RAPGEF2: variants seen among roughly 807,000 people sequenced by gnomAD.
RAPGEF2 encodes the protein Rap guanine nucleotide exchange factor 2, also known as PDZ domain containing guanine nucleotide exchange factor (GEF) 1.
Under a neutral mutation model 186.7 loss-of-function variants are expected in RAPGEF2, and 54 were observed. The ratio of observed to expected loss-of-function variants is 0.29; its 90% confidence interval spans 0.23 to 0.36. The LOEUF (loss-of-function observed/expected upper bound fraction) is 0.36, where lower values mean the gene tolerates loss of function less well. RAPGEF2 is among the 10% of genes least tolerant of loss of function. The pLI is 1.00. For missense variants in RAPGEF2, 1,532 were observed against 2,045.0 expected (o/e 0.75, Z 4.84); for synonymous variants, 712 against 705.9 (o/e 1.01, Z -0.14).
intron 11 of RAPGEF2, among the ~76,000 whole-genome samples, chr4:159,324,415 A>C (rs1435829302): frequency 6.6e-6 from 1 of 152,204 alleles, no homozygotes; most frequent in Non-Finnish European, 1.5e-5. Context: ...CTTGAACTGC[A>C]CGTAACTATG....
intron 9 of RAPGEF2, among the ~76,000 whole-genome samples, chr4:159,320,422 C>A (rs147414824): frequency 2.6e-5 from 4 of 152,108 alleles, no homozygotes; most frequent in Admixed American, 1.3e-4. Flanking sequence ...TGAAACAGAA[C>A]GTATTCTTTC....
chr4:159,175,514 T>G (rs1746368092), intron 1 of RAPGEF2, among the ~76,000 whole-genome samples: 1 of 152,128 alleles, frequency 6.6e-6, no homozygotes, highest in South Asian at 2.1e-4. Flanking sequence ...ATGATAGAAG[T>G]TAAACAGTTT....
intron 1 of RAPGEF2, among the ~76,000 whole-genome samples, chr4:159,175,696 C>T (rs115781447): frequency 0.014 from 2,070 of 152,234 alleles, 21 homozygotes; most frequent in Non-Finnish European, 0.021. Context: ...CTAGGAAGGA[C>T]GGTTGGTCCA....
At chr4:159,329,011 T>A (rs1003719876) in intron 11 of RAPGEF2, 5 of 152,164 alleles carry the variant, frequency 3.3e-5, no homozygotes, top group Admixed American at 1.3e-4. Flanking sequence ...TTTAACCACC[T>A]CCTTTTTCAT....
chr4:159,331,914 T>A lies in RAPGEF2; in HGVS notation c.1780-12T>A, dbSNP rs1407375960. 3.1e-6 allele frequency: 5 copies of A among 1,591,368 alleles called. No homozygotes were observed. Among genetic ancestry groups the A allele is most frequent in the Non-Finnish European group, 4.3e-6 (5 of 1,171,606 alleles). Reference sequence around the variant, plus strand: ...CAGTCAATTTTGATACATTTTATAATTTCATTTTTAGATATTAGAAGTAAA... The same window carrying A: ...CAGTCAATTTTGATACATTTTATAAATTCATTTTTAGATATTAGAAGTAAA... On this transcript the variant is annotated splice_polypyrimidine_tract_variant and intron_variant, in intron 15 of 29. Transcript: ENST00000691494.
intron 1 of RAPGEF2, among the ~76,000 whole-genome samples, chr4:159,165,447 CTA>C (rs1356414947): frequency 2.0e-5 from 3 of 152,062 alleles, no homozygotes; most frequent in Non-Finnish European, 4.4e-5. Context: ...GTATGTATAT[CTA>C]TATATCTCTA....
chr4:159,246,990 A>G (rs1158057047), intron 7 of RAPGEF2, among the ~76,000 whole-genome samples: 7 of 152,162 alleles, frequency 4.6e-5, no homozygotes, highest in Non-Finnish European at 1.0e-4. Flanking sequence ...GAAATTATTC[A>G]AATACAGGGG....
At chr4:159,263,722 A>G (rs1757130571) in intron 7 of RAPGEF2, among the ~76,000 whole-genome samples, 6 of 152,202 alleles carry the variant, frequency 3.9e-5, no homozygotes, top group South Asian at 2.1e-4. Context: ...ATTGAGATCT[A>G]TGGTTAAACA....
chr4:159,348,250 G>A (rs111584073), intron 25 of RAPGEF2, among the ~76,000 whole-genome samples: 1,578 of 59,696 alleles, frequency 0.026, 22 homozygotes, highest in African/African-American at 0.074. Flanking sequence ...ATAGATGGAT[G>A]GATGGATGGA....
At chr4:159,139,309 A>C (rs1252074659) in intron 1 of RAPGEF2, among the ~76,000 whole-genome samples, 2 of 152,230 alleles carry the variant, frequency 1.3e-5, no homozygotes, top group African/African-American at 4.8e-5. Flanking sequence ...GGTATGCACG[A>C]GTCAAATGAC....
At chr4:159,356,727 C>A (rs1405934286) in intron 29 of RAPGEF2, among the ~76,000 whole-genome samples, 1 of 151,778 alleles carries the variant, frequency 6.6e-6, no homozygotes, top group East Asian at 1.9e-4. Context: ...GTAGTGAAAC[C>A]CTGTCTCTAC....
intron 1 of RAPGEF2, among the ~76,000 whole-genome samples, chr4:159,173,414 G>A (rs932264027): frequency 7.2e-5 from 11 of 152,094 alleles, no homozygotes; most frequent in African/African-American, 2.4e-4. Flanking sequence ...CTGGAATTAG[G>A]TTGGTATTAG....
chr4:159,131,933 T>C (rs1367145743), intron 1 of RAPGEF2, among the ~76,000 whole-genome samples: 1 of 152,180 alleles, frequency 6.6e-6, no homozygotes. Context: ...TACAGTCTCC[T>C]TACCAAGAGG....
chr4:159,184,624 T>C (rs1345452872), intron 1 of RAPGEF2, among the ~76,000 whole-genome samples: 2 of 152,230 alleles, frequency 1.3e-5, no homozygotes, highest in African/African-American at 4.8e-5. Flanking sequence ...TTAAGTTCTT[T>C]GTAGATTCTG....
chr4:159,310,859 A>C (rs1302595193), intron 8 of RAPGEF2, among the ~76,000 whole-genome samples: 1 of 152,138 alleles, frequency 6.6e-6, no homozygotes, highest in African/African-American at 2.4e-5. Context: ...CGTGAGTCTT[A>C]GTAGTGTTGT....
At chr4:159,309,747 G>C (rs1001369369) in intron 8 of RAPGEF2, among the ~76,000 whole-genome samples, 51 of 152,164 alleles carry the variant, frequency 3.4e-4, no homozygotes, top group African/African-American at 1.2e-3. Flanking sequence ...AGAGCGAGTG[G>C]CTTAGGCAAA....
rs796329447 is a variant in RAPGEF2 at position 159,204,825 on chromosome 4, A to AT, written c.198-5673dup. Among the ~76,000 whole-genome samples the AT allele has an allele frequency of 3.3e-5, 5 of 152,252 alleles. No individual in the cohort carries two copies. The South Asian group carries it at 1.0e-3, about 32-fold the overall frequency. On this transcript the variant is annotated intron_variant, in intron 3 of 29. Transcript: ENST00000691494. ...AGGATTTGGTCTTCTGTAAGCGTGA[A>AT]TTCCCCTGATTAGAGAGACTCGCAA...
chr4:159,131,698 G>A (rs1363297473), intron 1 of RAPGEF2, among the ~76,000 whole-genome samples: 2 of 151,588 alleles, frequency 1.3e-5, no homozygotes, highest in African/African-American at 4.9e-5. Context: ...CGTCTTTCGC[G>A]TTGTTGTGTA....
intron 7 of RAPGEF2, among the ~76,000 whole-genome samples, chr4:159,284,391 G>A (rs958099743): frequency 6.6e-6 from 1 of 151,946 alleles, no homozygotes; most frequent in South Asian, 2.1e-4. Context: ...GTGAAATTGA[G>A]CACCTTAAGA....
Sources: allele counts gnomAD v4.1 joint callset (sites outside exome capture counted in the v4.1 genomes callset), GRCh38; gene constraint gnomAD v4.1.1; transcripts MANE v1.5; gene names NCBI Gene and HGNC (gene_info 2026-07-23, HGNC 2026-07-21).